Variants in ULK4 observed in about 807,000 individuals in gnomAD.
The protein encoded by ULK4 is unc-51 like kinase 4, also known as inactive serine/threonine-protein kinase ULK4.
Under a neutral mutation model 160.6 loss-of-function variants are expected in ULK4, and 133 were observed. The observed-to-expected ratio is 0.83, with a 90% CI of 0.72 to 0.96. The LOEUF (loss-of-function observed/expected upper bound fraction) is 0.96, where lower values mean the gene tolerates loss of function less well. Ranked by LOEUF, ULK4 falls within the 40% of genes least tolerant of loss-of-function variation. The pLI is 0.00. For missense variants in ULK4, 1,580 were observed against 1,499.5 expected (o/e 1.05, Z -0.89); for synonymous variants, 534 against 539.8 (o/e 0.99, Z 0.15).
intron 27 of ULK4, among the ~76,000 whole-genome samples, chr3:41,689,754 C>T (rs2036222124): frequency 6.6e-6 from 1 of 152,092 alleles, no homozygotes. Flanking sequence ...CCATCTCACA[C>T]CAGTTAGAAT....
chr3:41,932,811 A>G (rs2148823419), intron 4 of ULK4, among the ~76,000 whole-genome samples: 1 of 152,288 alleles, frequency 6.6e-6, no homozygotes, highest in South Asian at 2.1e-4. Context: ...TGGAAGGCTG[A>G]GGCAGGCAGA....
At chr3:41,670,284 G>A (rs1452752163) in intron 29 of ULK4, among the ~76,000 whole-genome samples, 1 of 152,154 alleles carries the variant, frequency 6.6e-6, no homozygotes, top group East Asian at 1.9e-4. Context: ...GTAGATGGCT[G>A]ATTCTTTTTG....
intron 31 of ULK4, among the ~76,000 whole-genome samples, chr3:41,567,443 A>ATT (rs71288055): frequency 0.31 from 28,132 of 90,220 alleles, 4,955 homozygotes; most frequent in Non-Finnish European, 0.38. Flanking sequence ...CACTTAACAG[A>ATT]TTTTTTTTTT....
chr3:41,433,737 T>C (rs544654949), intron 34 of ULK4, among the ~76,000 whole-genome samples: 1 of 152,204 alleles, frequency 6.6e-6, no homozygotes, highest in South Asian at 2.1e-4. Context: ...ACTTTTTTTT[T>C]GAGACGGAGT....
Position 41,754,345 on chromosome 3 carries a change from T to G in ULK4, c.2321+16A>C. 1 of 1,605,816 alleles carries G rather than the reference T, an allele frequency of 6.2e-7. No homozygotes were observed. Among genetic ancestry groups the G allele is most frequent in the South Asian group, 1.1e-5 (1 of 89,134 alleles). ...TAAATTGAAGTTACTGATGAAACCA[T>G]CAGAGAAAATCTTACCTTGCTTGGC... On this transcript the variant is annotated intron_variant, in intron 22 of 36. Coordinates refer to ENST00000301831, the MANE Select transcript of ULK4 (RefSeq NM_017886.4).
At chr3:41,737,496 C>T (rs1054579016) in intron 22 of ULK4, among the ~76,000 whole-genome samples, 3 of 151,736 alleles carry the variant, frequency 2.0e-5, no homozygotes, top group Non-Finnish European at 4.4e-5. Flanking sequence ...ACTTTCTTCA[C>T]AGAACTGGAA....
At chr3:41,946,032 C>T (rs202089979) in intron 2 of ULK4, among the ~76,000 whole-genome samples, 1 of 22,552 alleles carries the variant, frequency 4.4e-5, no homozygotes, top group Non-Finnish European at 4.9e-4. Context: ...AAGAAAGAGA[C>T]GGGCAGGGGG....
intron 27 of ULK4, among the ~76,000 whole-genome samples, chr3:41,698,914 T>C (rs2036584072): frequency 6.6e-6 from 1 of 152,190 alleles, no homozygotes; most frequent in African/African-American, 2.4e-5. Context: ...TTGTTAACTT[T>C]AGCTCAACAT....
chr3:41,418,716 T>C (rs2082590710), intron 34 of ULK4, among the ~76,000 whole-genome samples: 1 of 152,148 alleles, frequency 6.6e-6, no homozygotes, highest in Admixed American at 6.5e-5. Context: ...CCCTACAGTA[T>C]TCACAGGAGA....
intron 35 of ULK4, among the ~76,000 whole-genome samples, chr3:41,383,191 T>G: frequency 6.6e-6 from 1 of 151,744 alleles, no homozygotes; most frequent in East Asian, 1.9e-4. Flanking sequence ...CTCCGCCTCC[T>G]TGGTTCAAGC....
chr3:41,891,338 G>A (rs1445840950), intron 16 of ULK4, among the ~76,000 whole-genome samples: 2 of 117,426 alleles, frequency 1.7e-5, no homozygotes, highest in Non-Finnish European at 1.8e-5. Flanking sequence ...GACAAGACGG[G>A]ACTGGAGGGA....
At chr3:41,360,767 AGG>A (rs987694771) in intron 35 of ULK4, among the ~76,000 whole-genome samples, 8 of 152,106 alleles carry the variant, frequency 5.3e-5, no homozygotes, top group Non-Finnish European at 2.9e-5. Context: ...GGCCTGTCAG[AGG>A]GTGAAGGCTG....
At chr3:41,418,114 T>G (rs988168884) in intron 34 of ULK4, among the ~76,000 whole-genome samples, 3 of 152,120 alleles carry the variant, frequency 2.0e-5, no homozygotes, top group African/African-American at 7.2e-5. Flanking sequence ...CCTTATCGCT[T>G]TTTCACAACT....
intron 32 of ULK4, among the ~76,000 whole-genome samples, chr3:41,515,267 A>G (rs1257149012): frequency 1.3e-5 from 2 of 152,102 alleles, no homozygotes; most frequent in African/African-American, 2.4e-5. Context: ...AAAAAAAAAG[A>G]AGAAAAAGAA....
intron 16 of ULK4, among the ~76,000 whole-genome samples, chr3:41,894,780 C>T (rs148767226): frequency 0.015 from 2,236 of 152,262 alleles, 43 homozygotes; most frequent in African/African-American, 0.052. Context: ...AATCCTAAAC[C>T]TATGCCATTT....
chr3:41,902,103 T>C (rs1455139581), intron 12 of ULK4, among the ~76,000 whole-genome samples: 1 of 151,952 alleles, frequency 6.6e-6, no homozygotes. Flanking sequence ...TTAAGAACTT[T>C]AAAAGAAACA....
intron 31 of ULK4, among the ~76,000 whole-genome samples, chr3:41,603,514 T>C (rs1187557416): frequency 6.6e-6 from 1 of 152,092 alleles, no homozygotes; most frequent in Non-Finnish European, 1.5e-5. Flanking sequence ...ACTTTTATAC[T>C]ATACCCCAAT....
At chr3:41,629,003 T>G (rs374306892) in intron 30 of ULK4, among the ~76,000 whole-genome samples, 5 of 152,232 alleles carry the variant, frequency 3.3e-5, no homozygotes, top group Admixed American at 6.5e-5. Flanking sequence ...AAGTGACACT[T>G]TCTATGTGCC....
intron 4 of ULK4, among the ~76,000 whole-genome samples, chr3:41,933,269 A>C (rs1699654475): frequency 1.3e-5 from 2 of 152,146 alleles, no homozygotes; most frequent in African/African-American, 4.8e-5. Context: ...GGTCAACCTA[A>C]TGCTGCTGGT....
Sources: allele counts gnomAD v4.1 joint callset (sites outside exome capture counted in the v4.1 genomes callset), GRCh38; gene constraint gnomAD v4.1.1; transcripts MANE v1.5; gene names NCBI Gene and HGNC (gene_info 2026-07-23, HGNC 2026-07-21).